The following RBFOX1 variants were observed in gnomAD, a reference collection of about 807,000 sequenced individuals.
RBFOX1 encodes the protein RNA binding protein fox-1 homolog 1.
A neutral mutation model predicts 57.7 loss-of-function variants in RBFOX1; 8 were observed. That is an observed-to-expected ratio of 0.14 (90% CI 0.08 to 0.25). RBFOX1 has a LOEUF of 0.25. Ranked by LOEUF, RBFOX1 falls within the 10% of genes least tolerant of loss-of-function variation. The pLI, the probability that RBFOX1 is intolerant of heterozygous loss-of-function variation, is 1.00. For missense variants in RBFOX1, 611 were observed against 548.5 expected (o/e 1.11, Z -1.14); for synonymous variants, 326 against 222.4 (o/e 1.47, Z -4.15).
intron 2 of RBFOX1, among the ~76,000 whole-genome samples, chr16:6,599,733 T>G (rs1399237195): frequency 6.6e-6 from 1 of 152,204 alleles, no homozygotes; most frequent in Non-Finnish European, 1.5e-5. Context: ...ATCCCAGTGC[T>G]CACCACCTAG....
chr16:5,688,004 T>G (rs906953462), intron 3 of RBFOX1, among the ~76,000 whole-genome samples: 5 of 152,166 alleles, frequency 3.3e-5, no homozygotes, highest in African/African-American at 1.2e-4. Context: ...GGGCCCAAGT[T>G]TTGGTAAAAA....
intron 4 of RBFOX1, among the ~76,000 whole-genome samples, chr16:7,451,112 C>G (rs12927609): frequency 0.39 from 58,848 of 151,858 alleles, 11,914 homozygotes; most frequent in Non-Finnish European, 0.45. Flanking sequence ...GGTTAAGGCT[C>G]TGGAGGGAGA....
chr16:7,403,574 C>T (rs1472278530), intron 4 of RBFOX1, among the ~76,000 whole-genome samples: 2 of 118,208 alleles, frequency 1.7e-5, no homozygotes, highest in Admixed American at 1.6e-4. Context: ...CCCCCCCCCC[C>T]ACTTTTTTTT....
At chr16:6,490,971 GT>G (rs1265782057) in intron 2 of RBFOX1, among the ~76,000 whole-genome samples, 1 of 152,056 alleles carries the variant, frequency 6.6e-6, no homozygotes, top group Non-Finnish European at 1.5e-5. Flanking sequence ...TCAGGAAATG[GT>G]TTAAAATGAA....
chr16:6,625,233 C>T (rs1408340929), intron 2 of RBFOX1, among the ~76,000 whole-genome samples: 1 of 140,944 alleles, frequency 7.1e-6, no homozygotes, highest in Admixed American at 7.1e-5. Flanking sequence ...AAAACAATTT[C>T]ACAAACAATT....
chr16:7,326,444 C>G (rs1184140923), intron 4 of RBFOX1, among the ~76,000 whole-genome samples: 2 of 152,074 alleles, frequency 1.3e-5, no homozygotes. Flanking sequence ...ACAGCAACAT[C>G]TGTATGGGGT....
At chr16:6,406,001 C>A (rs563167647) in intron 2 of RBFOX1, among the ~76,000 whole-genome samples, 1 of 152,262 alleles carries the variant, frequency 6.6e-6, no homozygotes, top group African/African-American at 2.4e-5. Flanking sequence ...AAGGTGAGAA[C>A]GCAGAGGAAT....
chr16:6,211,171 C>CAG (rs2152851400), intron 1 of RBFOX1, among the ~76,000 whole-genome samples: 1 of 146,016 alleles, frequency 6.8e-6, no homozygotes, highest in Admixed American at 6.9e-5. Flanking sequence ...TTCCATGAGA[C>CAG]AGAGTGTTTT....
intron 1 of RBFOX1, among the ~76,000 whole-genome samples, chr16:5,290,426 C>G (rs1352463754): frequency 6.6e-6 from 1 of 152,080 alleles, no homozygotes; most frequent in Non-Finnish European, 1.5e-5. Context: ...TACAGGGTTT[C>G]TTTTTGGGGT....
At chr16:5,256,331 G>C (rs555968653) in intron 1 of RBFOX1, among the ~76,000 whole-genome samples, 10 of 152,260 alleles carry the variant, frequency 6.6e-5, no homozygotes, top group Non-Finnish European at 1.3e-4. Flanking sequence ...GTCTCCTCTG[G>C]CTGGAAGTCC....
intron 4 of RBFOX1, among the ~76,000 whole-genome samples, chr16:7,198,221 G>T (rs1319884774): frequency 6.6e-6 from 1 of 151,908 alleles, no homozygotes; most frequent in Non-Finnish European, 1.5e-5. Flanking sequence ...TAGCCAGGAT[G>T]TTTTCAATCT....
intron 2 of RBFOX1, among the ~76,000 whole-genome samples, chr16:6,524,499 G>C (rs715904): frequency 0.71 from 107,377 of 152,052 alleles, 38,424 homozygotes; most frequent in African/African-American, 0.82. Context: ...TACCTCGTTA[G>C]ACATCAAGTT....
intron 3 of RBFOX1, among the ~76,000 whole-genome samples, chr16:6,953,948 C>T (rs751459664): frequency 1.3e-5 from 2 of 152,118 alleles, no homozygotes; most frequent in Non-Finnish European, 2.9e-5. Context: ...GAGGAGTAAC[C>T]TCTTATTTAC....
intron 2 of RBFOX1, among the ~76,000 whole-genome samples, chr16:6,341,120 C>T (rs772786595): frequency 3.9e-5 from 6 of 152,156 alleles, no homozygotes; most frequent in African/African-American, 7.2e-5. Flanking sequence ...TTCTGTCTTA[C>T]AGTTCTGGAA....
chr16:5,883,968 C>T (rs935571337), intron 4 of RBFOX1, among the ~76,000 whole-genome samples: 1 of 152,160 alleles, frequency 6.6e-6, no homozygotes, highest in Admixed American at 6.5e-5. Context: ...TTGAGGTAAG[C>T]ACCTGAATGC....
chr16:7,664,749 A>G (rs2068734673), intron 12 of RBFOX1, 180 bp from the exon 13 acceptor site: 1 of 1,095,374 alleles, frequency 9.1e-7, no homozygotes, highest in Admixed American at 2.5e-5. Flanking sequence ...GCCCGGCCTA[A>G]TTTTCTCGGT....
intron 1 of RBFOX1, among the ~76,000 whole-genome samples, chr16:5,296,947 A>G (rs776649619): frequency 6.6e-6 from 1 of 152,092 alleles, no homozygotes; most frequent in Non-Finnish European, 1.5e-5. Context: ...AAGTGCTGGG[A>G]TTACAGGCAT....
chr16:5,372,195 G>A (rs1176775060), intron 1 of RBFOX1, among the ~76,000 whole-genome samples: 1 of 152,186 alleles, frequency 6.6e-6, no homozygotes, highest in African/African-American at 2.4e-5. Flanking sequence ...GCGGGAGGCA[G>A]CCAAGGCCAG....
chr16:6,386,439 C>A (rs1341903989), intron 2 of RBFOX1, among the ~76,000 whole-genome samples: 1 of 152,166 alleles, frequency 6.6e-6, no homozygotes, highest in South Asian at 2.1e-4. Flanking sequence ...TCTTTGTCCT[C>A]CTCCATTTGT....
Sources: allele counts gnomAD v4.1 joint callset (sites outside exome capture counted in the v4.1 genomes callset), GRCh38; gene constraint gnomAD v4.1.1; transcripts MANE v1.5; gene names NCBI Gene and HGNC (gene_info 2026-07-23, HGNC 2026-07-21).